Variants in MTUS2 observed in about 807,000 individuals in gnomAD.
MTUS2 encodes microtubule associated scaffold protein 2, also known as microtubule-associated tumor suppressor candidate 2.
In MTUS2, 40 loss-of-function variants were observed where a neutral mutation model predicts 114.1. That is an observed-to-expected ratio of 0.35 (90% CI 0.27 to 0.46). The LOEUF is 0.46. Among genes scored for constraint, MTUS2 ranks in the 20% least tolerant of loss-of-function variants. The pLI is 1.00. For missense variants in MTUS2, 1,679 were observed against 1,705.4 expected (o/e 0.98, Z 0.27); for synonymous variants, 688 against 672.0 (o/e 1.02, Z -0.37).
intron 2 of MTUS2, among the ~76,000 whole-genome samples, chr13:29,018,929 CTCTGGCTTCAT>C (rs1424430014): frequency 6.6e-6 from 1 of 152,094 alleles, no homozygotes; most frequent in African/African-American, 2.4e-5. Flanking sequence ...GCATGTGATA[CTCTGGCTTCAT>C]GCTAGCAACC....
chr13:29,262,374 T>G (rs1481706721), intron 5 of MTUS2, among the ~76,000 whole-genome samples: 1 of 152,122 alleles, frequency 6.6e-6, no homozygotes, highest in Non-Finnish European at 1.5e-5. Flanking sequence ...TAAGTCTCAT[T>G]TTACCAGTTC....
intron 9 of MTUS2, among the ~76,000 whole-genome samples, chr13:29,449,911 C>G (rs534750437): frequency 2.6e-5 from 4 of 152,330 alleles, no homozygotes; most frequent in Admixed American, 1.3e-4. Flanking sequence ...GTTCATTTCT[C>G]TCTTACATAA....
intron 4 of MTUS2, among the ~76,000 whole-genome samples, chr13:29,100,178 C>T (rs768111901): frequency 6.6e-6 from 1 of 152,176 alleles, no homozygotes; most frequent in Non-Finnish European, 1.5e-5. Flanking sequence ...AGTGTTAGGA[C>T]AAGGGCTTGA....
At chr13:28,913,896 A>G (rs962985745) in intron 2 of MTUS2, among the ~76,000 whole-genome samples, 2 of 151,992 alleles carry the variant, frequency 1.3e-5, no homozygotes, top group Non-Finnish European at 2.9e-5. Flanking sequence ...TTTCTAGTTT[A>G]TGTGCATAGA....
At position 29,505,582 on chromosome 13, in the gene MTUS2, A is replaced by C. The variant is rs1158138129; in HGVS notation, c.*2376A>C. On this transcript the variant is annotated 3_prime_UTR_variant, in exon 16 of 16. Transcript: ENST00000612955. ...TCCTTCTCAATTCTTCCACCCCCCCACACCATCAGAATTCGGATTTCTCTC... is the reference window on the plus strand; with the variant it reads ...TCCTTCTCAATTCTTCCACCCCCCCCCACCATCAGAATTCGGATTTCTCTC... 8.7e-6 allele frequency: 2 copies of C among 228,714 alleles called. No individual in the cohort carries two copies. The highest frequency in any genetic ancestry group is 5.7e-5 in the Admixed American group (1 of 17,446). The allele number at this position is 228,714 out of a possible 1,614,324, so 14.2% of individuals were successfully genotyped here. A position where few individuals can be genotyped will look rare whatever the true frequency, so the allele number is the denominator to read the frequency against.
intron 5 of MTUS2, among the ~76,000 whole-genome samples, chr13:29,169,739 A>T (rs1232502818): frequency 1.3e-5 from 2 of 151,918 alleles, no homozygotes; most frequent in South Asian, 4.2e-4. Context: ...GCGCTTAAGG[A>T]TTTTTCCAGC....
intron 2 of MTUS2, among the ~76,000 whole-genome samples, chr13:28,897,100 T>C (rs1485236244): frequency 6.6e-6 from 1 of 152,138 alleles, no homozygotes; most frequent in Non-Finnish European, 1.5e-5. Flanking sequence ...GAAACTACCA[T>C]CAGAGTGAAC....
At chr13:29,142,727 A>G (rs1892277439) in intron 5 of MTUS2, among the ~76,000 whole-genome samples, 1 of 152,172 alleles carries the variant, frequency 6.6e-6, no homozygotes, top group Non-Finnish European at 1.5e-5. Context: ...AAACAAAAAA[A>G]GAAGTTCAGG....
intron 2 of MTUS2, among the ~76,000 whole-genome samples, chr13:28,994,463 T>C (rs1380520486): frequency 1.3e-5 from 2 of 152,216 alleles, no homozygotes; most frequent in Non-Finnish European, 2.9e-5. Context: ...TCTAGATCCC[T>C]GAGGAATCGC....
chr13:29,113,256 C>A (rs1297464849), intron 5 of MTUS2, among the ~76,000 whole-genome samples: 2 of 152,222 alleles, frequency 1.3e-5, no homozygotes, highest in African/African-American at 4.8e-5. Context: ...CCTGCTCTGT[C>A]TGCCTTTCCC....
chr13:29,257,853 C>T (rs1355597866), intron 5 of MTUS2, among the ~76,000 whole-genome samples: 1 of 152,160 alleles, frequency 6.6e-6, no homozygotes, highest in East Asian at 1.9e-4. Context: ...GTAGTGGATC[C>T]ATGTGCTTTC....
intron 5 of MTUS2, among the ~76,000 whole-genome samples, chr13:29,185,908 A>T (rs1894203764): frequency 6.6e-6 from 1 of 152,168 alleles, no homozygotes; most frequent in African/African-American, 2.4e-5. Context: ...AATAAAAAGG[A>T]CATTATAGAA....
intron 8 of MTUS2, among the ~76,000 whole-genome samples, chr13:29,430,049 GC>G (rs1817715156): frequency 6.6e-6 from 1 of 152,164 alleles, no homozygotes; most frequent in South Asian, 2.1e-4. Context: ...ACATTTATGT[GC>G]TTTTAACAAA....
chr13:28,939,226 TTGAAACATTG>T (rs1593316147), intron 2 of MTUS2, among the ~76,000 whole-genome samples: 1 of 152,230 alleles, frequency 6.6e-6, no homozygotes, highest in East Asian at 1.9e-4. Context: ...CTTCCTTGTA[TTGAAACATTG>T]TGTCTTTCCT....
chr13:29,112,035 A>G (rs1351454038), intron 5 of MTUS2, among the ~76,000 whole-genome samples: 2 of 152,150 alleles, frequency 1.3e-5, no homozygotes, highest in Non-Finnish European at 2.9e-5. Context: ...TCCTATAACT[A>G]CATCATACAT....
chr13:29,124,739 A>G (rs1891446645), intron 5 of MTUS2, among the ~76,000 whole-genome samples: 1 of 152,236 alleles, frequency 6.6e-6, no homozygotes, highest in South Asian at 2.1e-4. Context: ...ATAGCAGAAG[A>G]CAATTCAGCC....
intron 2 of MTUS2, among the ~76,000 whole-genome samples, chr13:28,974,062 T>C (rs1302732132): frequency 6.6e-6 from 1 of 152,204 alleles, no homozygotes; most frequent in Non-Finnish European, 1.5e-5. Context: ...CTCCCAATTT[T>C]CTTGTTATAC....
rs17073476 is a variant in MTUS2, at chr13:29,469,016, A to C, written c.3185-11134A>C. ...TAGTGGATGTAATAGATACCCCTGC[A>C]TCATCACAATACCCATAGAATTTTA... On this transcript the variant is annotated intron_variant, in intron 9 of 15. Coordinates refer to ENST00000612955, the MANE Select transcript of MTUS2 (RefSeq NM_001033602.4). Among the ~76,000 whole-genome samples, 1,113 of 152,332 alleles carry C rather than the reference A, an allele frequency of 7.3e-3. 33 individuals carry two copies. The highest frequency in any genetic ancestry group is 0.047 in the Admixed American group (725 of 15,306).
At chr13:29,482,603 A>G (rs776635721) in intron 10 of MTUS2, among the ~76,000 whole-genome samples, 2 of 152,248 alleles carry the variant, frequency 1.3e-5, no homozygotes, top group Non-Finnish European at 2.9e-5. Flanking sequence ...AGGATACTGC[A>G]AGAGATACTA....
Sources: gnomAD v4.1 joint callset for allele counts (sites outside exome capture counted in the v4.1 genomes callset) on GRCh38, gnomAD v4.1.1 for gene constraint, MANE v1.5 for transcripts, NCBI Gene and HGNC (gene_info 2026-07-23, HGNC 2026-07-21) for gene names.